Variants in DGKH observed in about 807,000 individuals in gnomAD.
The protein encoded by DGKH is DAG kinase eta.
A neutral mutation model predicts 159.3 loss-of-function variants in DGKH; 90 were observed. The observed-to-expected ratio is 0.57, with a 90% confidence interval of 0.48 to 0.67. The LOEUF (loss-of-function observed/expected upper bound fraction) is 0.67, where lower values mean the gene tolerates loss of function less well. Ranked by LOEUF, DGKH falls within the 30% of genes least tolerant of loss-of-function variation. DGKH has a pLI of 0.00. For synonymous variants in DGKH, 536 were observed against 553.8 expected (o/e 0.97, Z 0.45); for missense variants, 1,181 against 1,506.1 (o/e 0.78, Z 3.57).
chr13:42,067,400 C>T (rs905429752), intron 1 of DGKH, among the ~76,000 whole-genome samples: 3 of 152,076 alleles, frequency 2.0e-5, no homozygotes, highest in African/African-American at 7.2e-5. Flanking sequence ...CTTTAATTTT[C>T]AACACGCTTA....
chr13:42,213,017 A>T (rs1400898895), intron 24 of DGKH, among the ~76,000 whole-genome samples: 1 of 152,188 alleles, frequency 6.6e-6, no homozygotes, highest in Admixed American at 6.5e-5. Context: ...GGGTGACTGA[A>T]AGGTTGGCAT....
intron 30 of DGKH, among the ~76,000 whole-genome samples, chr13:42,254,200 G>A (rs542006574): frequency 1.3e-5 from 2 of 152,256 alleles, no homozygotes; most frequent in South Asian, 4.1e-4. Flanking sequence ...TGTTCAAAAT[G>A]TATGCATAAG....
chr13:42,168,756 T>C lies in DGKH; in HGVS notation c.1305T>C (p.Asp435=). The change falls in exon 11 of 30, where the codon GAT becomes GAC. Residue 435 remains aspartate, a synonymous_variant. Coordinates refer to ENST00000337343, the MANE Select transcript of DGKH (RefSeq NM_178009.5). The part of the protein sequence containing the change: ...RVLGWGGSYD[D]DTQLPQILEK... Reference sequence around the variant, plus strand: ...TTGGCTGGGGAGGTTCATATGACGATGACACCCAACTTCCTCAGATCCTAG... The same window carrying C: ...TTGGCTGGGGAGGTTCATATGACGACGACACCCAACTTCCTCAGATCCTAG... The C allele has an allele frequency of 6.2e-7, 1 of 1,614,186 alleles. No homozygotes were observed. The highest frequency in any genetic ancestry group is 8.5e-7 in the Non-Finnish European group (1 of 1,180,006).
At chr13:42,061,252 C>T (rs943340316) in intron 1 of DGKH, among the ~76,000 whole-genome samples, 2 of 152,194 alleles carry the variant, frequency 1.3e-5, no homozygotes, top group Admixed American at 6.5e-5. Context: ...TCCCGTTGAT[C>T]TGCGCCATCT....
intron 13 of DGKH, among the ~76,000 whole-genome samples, chr13:42,183,374 C>T (rs1956827146): frequency 6.6e-6 from 1 of 151,932 alleles, no homozygotes; most frequent in African/African-American, 2.4e-5. Context: ...AGTAAAGCAC[C>T]TAAATCACAA....
chr13:42,069,690 A>G (rs1283179580), intron 1 of DGKH: 18 of 1,174,182 alleles, frequency 1.5e-5, no homozygotes, highest in Non-Finnish European at 2.1e-5. Context: ...GCTTGGGTTC[A>G]TAGTAACAGT....
chr13:42,175,752 A>C (rs550302645), intron 12 of DGKH, among the ~76,000 whole-genome samples: 2 of 152,354 alleles, frequency 1.3e-5, no homozygotes, highest in South Asian at 4.1e-4. Flanking sequence ...AGATTAAATG[A>C]GTGTTCTGAA....
rs1469394166 is a variant in DGKH, at chr13:42,241,548, T to G, written c.*12360T>G. The G allele has an allele frequency of 6.6e-6, 1 of 152,254 alleles. No homozygotes were observed. The highest frequency in any genetic ancestry group is 1.5e-5 in the Non-Finnish European group (1 of 68,052). 9.4% of individuals were successfully genotyped at this position (152,254 alleles called of 1,614,324 possible). A position where few individuals can be genotyped will look rare whatever the true frequency, so the allele number is the denominator to read the frequency against. ...CCCAGTGACTGATAGATCTGTAGAA[T>G]GTGAACTCACATTTAAAGTTTATTT... On this transcript the variant is annotated 3_prime_UTR_variant, in exon 30 of 30. Coordinates refer to ENST00000337343, the MANE Select transcript of DGKH (RefSeq NM_178009.5).
chr13:42,204,900 A>G (rs1167229963), intron 20 of DGKH, among the ~76,000 whole-genome samples: 1 of 152,088 alleles, frequency 6.6e-6, no homozygotes, highest in Non-Finnish European at 1.5e-5. Context: ...ACTCTTTTTA[A>G]TGAGATGTCC....
intron 1 of DGKH, among the ~76,000 whole-genome samples, chr13:42,073,918 A>C (rs1883137853): frequency 6.6e-6 from 1 of 152,200 alleles, no homozygotes; most frequent in Non-Finnish European, 1.5e-5. Context: ...GCATGACTGA[A>C]CTGCACAATG....
At chr13:42,092,258 C>T (rs1052610574) in intron 1 of DGKH, among the ~76,000 whole-genome samples, 3 of 152,122 alleles carry the variant, frequency 2.0e-5, no homozygotes, top group East Asian at 1.9e-4. Context: ...CCAAAAGAAA[C>T]GTATCAGTAT....
At chr13:42,183,669 A>G (rs985282186) in intron 13 of DGKH, among the ~76,000 whole-genome samples, 1 of 152,256 alleles carries the variant, frequency 6.6e-6, no homozygotes, top group Non-Finnish European at 1.5e-5. Flanking sequence ...GCTAACATGT[A>G]GGTTAACCTA....
chr13:42,181,120 C>T (rs1384653038), intron 13 of DGKH, among the ~76,000 whole-genome samples: 2 of 151,530 alleles, frequency 1.3e-5, no homozygotes, highest in Non-Finnish European at 2.9e-5. Flanking sequence ...ACTAAAAATA[C>T]AAAAAAATTA....
rs762893539 is a variant in DGKH, at chr13:42,189,100, C to G, written c.1703C>G (p.Ala568Gly). The change falls in exon 15 of 30, where the codon GCG (alanine) becomes GGG (glycine). Residue 568 changes from alanine to glycine, a missense_variant. Ala to Gly is a moderately conservative substitution (Grantham distance 60). Transcript: ENST00000337343. ...LQALHTDSQA[A>G]PVLPGLSPLI... Reference sequence around the variant, plus strand: ...GCTTTGCACACAGATTCCCAGGCTGCGCCTGTTCTCCCTGGCCTCAGCCCT... The same window carrying G: ...GCTTTGCACACAGATTCCCAGGCTGGGCCTGTTCTCCCTGGCCTCAGCCCT... 6.2e-7 allele frequency: 1 copy of G among 1,614,206 alleles called. No individual in the cohort carries two copies. The highest frequency in any genetic ancestry group is 1.1e-5 in the South Asian group (1 of 91,082).
chr13:42,173,811 G>A (rs576504681), intron 11 of DGKH, among the ~76,000 whole-genome samples: 66 of 152,242 alleles, frequency 4.3e-4, no homozygotes, highest in African/African-American at 1.4e-3. Flanking sequence ...ACATTTGGAA[G>A]CCACTAATTG....
chr13:42,085,628 G>A (rs1191700462), intron 1 of DGKH, among the ~76,000 whole-genome samples: 1 of 152,146 alleles, frequency 6.6e-6, no homozygotes, highest in African/African-American at 2.4e-5. Flanking sequence ...GGGGAAAAAT[G>A]TAAAGTAGAA....
chr13:42,243,118 C>A (rs952541938), downstream of DGKH, among the ~76,000 whole-genome samples: 1 of 152,158 alleles, frequency 6.6e-6, no homozygotes, highest in Non-Finnish European at 1.5e-5. Flanking sequence ...ACAGTTCTAT[C>A]ACCACAAGGA....
chr13:42,193,962 C>T lies in DGKH; in HGVS notation c.2036-923C>T, dbSNP rs148036089. On this transcript the variant is annotated intron_variant, in intron 16 of 29. Coordinates refer to ENST00000337343, the MANE Select transcript of DGKH (RefSeq NM_178009.5). ...AACTTGCCTCAGTTTAGAGTTAAAT[C>T]TTTCTTCTTCTTGTGTACTTTGAGA... 7.3e-3 allele frequency among the ~76,000 whole-genome samples: 1,105 copies of T among 152,242 alleles called. 14 individuals are homozygous for T. The highest frequency in any genetic ancestry group is 0.024 in the Middle Eastern group (7 of 294).
intron 3 of DGKH, among the ~76,000 whole-genome samples, chr13:42,134,884 G>A (rs1955368307): frequency 6.6e-6 from 1 of 152,170 alleles, no homozygotes; most frequent in South Asian, 2.1e-4. Context: ...GGCTGAGGCA[G>A]GAGAATTGCT....
Sources: allele counts gnomAD v4.1 joint callset (sites outside exome capture counted in the v4.1 genomes callset), GRCh38; gene constraint gnomAD v4.1.1; transcripts MANE v1.5; gene names NCBI Gene and HGNC (gene_info 2026-07-23, HGNC 2026-07-21).